LINGO2: variants seen among roughly 807,000 people sequenced by gnomAD.
LINGO2 encodes leucine rich repeat and Ig domain containing 2, also known as leucine-rich repeat and immunoglobulin-like domain-containing nogo receptor-interacting protein 2.
LINGO2 carries 14 observed loss-of-function variants against 30.6 expected under a neutral mutation model. The observed-to-expected ratio is 0.46, with a 90% CI of 0.30 to 0.72. LINGO2 has a LOEUF of 0.72. Ranked by LOEUF, LINGO2 falls within the 30% of genes least tolerant of loss-of-function variation. The pLI is 0.07. For missense variants in LINGO2, 729 were observed against 751.7 expected (o/e 0.97, Z 0.35); for synonymous variants, 317 against 288.5 (o/e 1.10, Z -1.00).
intron 1 of LINGO2, among the ~76,000 whole-genome samples, chr9:28,590,855 A>C (rs1824859404): frequency 6.6e-6 from 1 of 152,156 alleles, no homozygotes; most frequent in Admixed American, 6.6e-5. Flanking sequence ...AGATACATGC[A>C]CATGTATGTT....
rs186739789 is a variant in LINGO2 at position 28,576,420 on chromosome 9, G to A, written c.-365+93780C>T. On this transcript the variant is annotated intron_variant, in intron 1 of 5. Transcript: ENST00000379992. ...CCAAGGATTGCGTGTGTGTGTGTGCGTATTCTTCAAGCGCATAACATAAAT... is the reference window on the plus strand; with the variant it reads ...CCAAGGATTGCGTGTGTGTGTGTGCATATTCTTCAAGCGCATAACATAAAT... Among the ~76,000 whole-genome samples, 38 of 152,232 alleles carry A rather than the reference G, an allele frequency of 2.5e-4. No individual in the cohort carries two copies. The East Asian group carries it at 4.4e-3, about 18-fold the overall frequency.
At chr9:28,601,521 T>C (rs1268137932) in intron 1 of LINGO2, among the ~76,000 whole-genome samples, 1 of 152,106 alleles carries the variant, frequency 6.6e-6, no homozygotes, top group Non-Finnish European at 1.5e-5. Flanking sequence ...TTTTGCTCTG[T>C]AATCAGAGTG....
the LINGO2 span, among the ~76,000 whole-genome samples, chr9:28,889,560 G>A: frequency 6.6e-6 from 1 of 152,024 alleles, no homozygotes; most frequent in Admixed American, 6.6e-5. Flanking sequence ...TAAATATAAT[G>A]TTATTGAAGT....
At chr9:28,033,125 T>TA (rs1276297750) in intron 4 of LINGO2, among the ~76,000 whole-genome samples, 3 of 152,226 alleles carry the variant, frequency 2.0e-5, no homozygotes, top group Admixed American at 6.5e-5. Context: ...TCCCTTTACT[T>TA]ACGTTGTTAG....
At chr9:28,073,833 G>C (rs1825549873) in intron 4 of LINGO2, among the ~76,000 whole-genome samples, 1 of 152,142 alleles carries the variant, frequency 6.6e-6, no homozygotes, top group Admixed American at 6.6e-5. Context: ...TTCAAGACAA[G>C]CCTGGACAAT....
chr9:28,149,052 C>G (rs559803365), intron 4 of LINGO2: 6 of 1,534,478 alleles, frequency 3.9e-6, no homozygotes, highest in Non-Finnish European at 4.4e-6. Context: ...GCTAAGCTTC[C>G]ATGTCTATCT....
intron 3 of LINGO2, among the ~76,000 whole-genome samples, chr9:28,306,698 G>A (rs1400920253): frequency 1.3e-5 from 2 of 152,030 alleles, no homozygotes; most frequent in South Asian, 4.1e-4. Flanking sequence ...TAACAAAGAA[G>A]AAAAGAGAGA....
chr9:28,547,515 T>A (rs986848602), intron 1 of LINGO2, among the ~76,000 whole-genome samples: 1 of 152,114 alleles, frequency 6.6e-6, no homozygotes. Context: ...AAACTACATA[T>A]AAAACAACTT....
chr9:28,662,068 T>A (rs1213288323), intron 1 of LINGO2, among the ~76,000 whole-genome samples: 2 of 152,162 alleles, frequency 1.3e-5, no homozygotes, highest in African/African-American at 4.8e-5. Flanking sequence ...TAGGAAAAGA[T>A]CACAGGCTCT....
At chr9:28,507,344 G>A (rs890569198) in intron 1 of LINGO2, among the ~76,000 whole-genome samples, 1 of 151,970 alleles carries the variant, frequency 6.6e-6, no homozygotes, top group Non-Finnish European at 1.5e-5. Context: ...TCAGTCTTTT[G>A]TTAGAACCAC....
intron 1 of LINGO2, among the ~76,000 whole-genome samples, chr9:28,653,456 C>T (rs553018061): frequency 6.6e-6 from 1 of 152,210 alleles, no homozygotes; most frequent in Admixed American, 6.5e-5. Context: ...AAGTATATTC[C>T]ACCAGTGTCC....
chr9:28,463,356 C>T (rs999218089), intron 2 of LINGO2, among the ~76,000 whole-genome samples: 21 of 151,880 alleles, frequency 1.4e-4, no homozygotes, highest in African/African-American at 5.1e-4. Flanking sequence ...AACAAAAGAA[C>T]ACTGGCACCA....
intron 2 of LINGO2, among the ~76,000 whole-genome samples, chr9:28,459,662 G>A (rs1824996069): frequency 1.3e-5 from 2 of 151,692 alleles, no homozygotes; most frequent in African/African-American, 4.8e-5. Flanking sequence ...TGTATTCTTA[G>A]CACCACACAA....
At chr9:28,489,321 C>A (rs563215953) in intron 1 of LINGO2, among the ~76,000 whole-genome samples, 3 of 152,190 alleles carry the variant, frequency 2.0e-5, no homozygotes, top group Admixed American at 1.3e-4. Context: ...AGGCATGGAC[C>A]ACCACGCCTG....
chr9:28,998,313 G>A, the LINGO2 span, among the ~76,000 whole-genome samples: 8 of 152,084 alleles, frequency 5.3e-5, no homozygotes, highest in Non-Finnish European at 7.4e-5. Context: ...GGGATAAGAC[G>A]GGCAAAATGT....
chr9:29,177,054 TA>T, the LINGO2 span, among the ~76,000 whole-genome samples: 1 of 152,114 alleles, frequency 6.6e-6, no homozygotes, highest in African/African-American at 2.4e-5. Context: ...CCACCACAAA[TA>T]AATGAGGGTC....
the LINGO2 span, among the ~76,000 whole-genome samples, chr9:28,839,707 G>A: frequency 6.6e-6 from 1 of 152,152 alleles, no homozygotes; most frequent in Non-Finnish European, 1.5e-5. Flanking sequence ...GGGCAGGGTT[G>A]GATAAAGTAC....
At chr9:28,011,989 A>G (rs538505367) in intron 5 of LINGO2, among the ~76,000 whole-genome samples, 2 of 150,770 alleles carry the variant, frequency 1.3e-5, no homozygotes, top group Admixed American at 6.6e-5. Context: ...TAACCACAGC[A>G]TTAATGAATT....
chr9:29,159,822 C>A, the LINGO2 span, among the ~76,000 whole-genome samples: 2 of 137,054 alleles, frequency 1.5e-5, no homozygotes, highest in African/African-American at 2.7e-5. Context: ...CACTGCACTC[C>A]AGCCTGGGCC....
Sources: gnomAD v4.1 joint callset for allele counts (sites outside exome capture counted in the v4.1 genomes callset) on GRCh38, gnomAD v4.1.1 for gene constraint, MANE v1.5 for transcripts, NCBI Gene and HGNC (gene_info 2026-07-23, HGNC 2026-07-21) for gene names.